The following ARMC10 variants were observed in gnomAD, a reference collection of about 807,000 sequenced individuals.
ARMC10 encodes armadillo repeat-containing protein 10.
Under a neutral mutation model 30.2 loss-of-function variants are expected in ARMC10, and 23 were observed. The observed-to-expected ratio is 0.76, with a 90% CI of 0.55 to 1.08. The LOEUF (loss-of-function observed/expected upper bound fraction) is 1.08. ARMC10 is among the 50% of genes least tolerant of loss of function. The pLI is 0.00. For synonymous variants in ARMC10, 111 were observed against 164.4 expected (o/e 0.68, Z 2.48); for missense variants, 303 against 413.7 (o/e 0.73, Z 2.32).
intron 6 of ARMC10, 85 bp from the exon 7 acceptor site, chr7:103,098,214 A>T (rs796146839): frequency 2.6e-6 from 3 of 1,165,502 alleles, no homozygotes; most frequent in African/African-American, 3.2e-5. Flanking sequence ...GAGTTATTCA[A>T]TGTAGTTTTA....
intron 5 of ARMC10, among the ~76,000 whole-genome samples, chr7:103,092,860 A>G (rs528011937): frequency 1.1e-4 from 17 of 152,348 alleles, no homozygotes; most frequent in African/African-American, 3.8e-4. Context: ...ATTCCTGTTC[A>G]TTTGGTTTTC....
Position 103,097,229 on chromosome 7 carries a change from A to C in ARMC10, c.706-48A>C, listed in dbSNP as rs759629997. On this transcript the variant is annotated intron_variant, in intron 5 of 6. Coordinates refer to ENST00000323716, the MANE Select transcript of ARMC10 (RefSeq NM_031905.5). Reference sequence around the variant, plus strand: ...GAGAGAACAGCATGCCTGAGAGAGAAAATTCATGCTTGCCAGTCTGAGATA... The same window carrying C: ...GAGAGAACAGCATGCCTGAGAGAGACAATTCATGCTTGCCAGTCTGAGATA... 5.0e-5 allele frequency: 75 copies of C among 1,493,752 alleles called. 1 individual carries two copies. The highest frequency in any genetic ancestry group is 2.2e-4 in the Admixed American group (13 of 59,832). The allele number at this position is 1,493,752 out of a possible 1,614,324, so 92.5% of individuals were successfully genotyped here.
At chr7:103,083,913 T>C (rs564059392) in intron 3 of ARMC10, 83 bp downstream of exon 3, 3 of 1,532,576 alleles carry the variant, frequency 2.0e-6, no homozygotes, top group Admixed American at 3.7e-5. Context: ...TTACTTAACC[T>C]CTCAGACCCT....
At chr7:103,093,402 A>G (rs1316343616) in intron 5 of ARMC10, among the ~76,000 whole-genome samples, 1 of 152,196 alleles carries the variant, frequency 6.6e-6, no homozygotes, top group African/African-American at 2.4e-5. Context: ...CACTGCAGTT[A>G]TTTTTGAGTT....
chr7:103,094,376 A>G (rs576687915), intron 5 of ARMC10, among the ~76,000 whole-genome samples: 10 of 152,366 alleles, frequency 6.6e-5, no homozygotes, highest in African/African-American at 2.4e-4. Flanking sequence ...ACCAAAATCC[A>G]TATATTTGTT....
chr7:103,082,607 G>T (rs1403073966), intron 2 of ARMC10, among the ~76,000 whole-genome samples: 2 of 152,052 alleles, frequency 1.3e-5, no homozygotes, highest in African/African-American at 4.8e-5. Context: ...TGGGACTACA[G>T]AGATGAGCTG....
intron 2 of ARMC10, among the ~76,000 whole-genome samples, chr7:103,080,466 G>C (rs747186836): frequency 4.6e-5 from 7 of 152,028 alleles, no homozygotes; most frequent in Non-Finnish European, 1.0e-4. Flanking sequence ...TCTTGGCCAG[G>C]CTGGTCTCGA....
intron 2 of ARMC10, among the ~76,000 whole-genome samples, chr7:103,081,250 C>T (rs1430365196): frequency 2.0e-5 from 3 of 152,196 alleles, no homozygotes; most frequent in Non-Finnish European, 2.9e-5. Flanking sequence ...CATTGTGCCT[C>T]TTCCCACCAA....
chr7:103,076,249 T>C (rs967774265), intron 2 of ARMC10, among the ~76,000 whole-genome samples: 10 of 152,220 alleles, frequency 6.6e-5, no homozygotes, highest in African/African-American at 2.4e-4. Flanking sequence ...AAAAATAATT[T>C]GTCCTTAGGT....
chr7:103,090,901 G>C (rs920796081), intron 4 of ARMC10, among the ~76,000 whole-genome samples: 1 of 152,020 alleles, frequency 6.6e-6, no homozygotes, highest in Admixed American at 6.5e-5. Context: ...ATGTAATTTA[G>C]ATCTTGAAAC....
intron 2 of ARMC10, among the ~76,000 whole-genome samples, chr7:103,079,044 T>G (rs1163776424): frequency 6.6e-6 from 1 of 152,130 alleles, no homozygotes. Context: ...TGTACTAACG[T>G]GGTTTGAGAG....
intron 5 of ARMC10, among the ~76,000 whole-genome samples, chr7:103,095,137 G>A (rs989435206): frequency 6.6e-6 from 1 of 152,192 alleles, no homozygotes; most frequent in Non-Finnish European, 1.5e-5. Flanking sequence ...ATCTCACTCT[G>A]TTGCCCAGGC....
chr7:103,093,999 C>T (rs1326083457), intron 5 of ARMC10, among the ~76,000 whole-genome samples: 1 of 152,136 alleles, frequency 6.6e-6, no homozygotes, highest in Non-Finnish European at 1.5e-5. Context: ...TGGAACATAC[C>T]TACCAATTAC....
intron 4 of ARMC10, among the ~76,000 whole-genome samples, chr7:103,091,317 T>C (rs1190306799): frequency 6.6e-6 from 1 of 152,120 alleles, no homozygotes; most frequent in East Asian, 1.9e-4. Context: ...TGTGCGGCAG[T>C]GAGACCTTGT....
chr7:103,096,531 A>G (rs898374132), intron 5 of ARMC10: 6 of 152,096 alleles, frequency 3.9e-5, no homozygotes, highest in African/African-American at 1.4e-4. Flanking sequence ...GCTTTGAGAG[A>G]TTTTTTTGTT....
chr7:103,091,678 T>A (rs1368879454), intron 4 of ARMC10, among the ~76,000 whole-genome samples: 1 of 76,090 alleles, frequency 1.3e-5, no homozygotes, highest in African/African-American at 3.1e-5. Flanking sequence ...ATTACTATGA[T>A]ACAAAATGGC....
rs1802028622 is a variant in ARMC10, at chr7:103,099,279, C to T, written c.*726C>T. 1 of 141,200 alleles carries T rather than the reference C, an allele frequency of 7.1e-6. No homozygotes were observed. Among genetic ancestry groups the T allele is most frequent in the Non-Finnish European group, 1.5e-5 (1 of 64,658 alleles). 8.7% of individuals were successfully genotyped at this position (141,200 alleles called of 1,614,324 possible). On this transcript the variant is annotated 3_prime_UTR_variant, in exon 7 of 7. Coordinates refer to ENST00000323716, the MANE Select transcript of ARMC10 (RefSeq NM_031905.5). The stretch of plus-strand genomic sequence containing the variant: ...TGAGATCGGGAGTTTGAGACCAAGC[C>T]TGACCAATATGGAGAAACCCTGTCT...
At chr7:103,085,606 C>CTTCTTTTTTTTTTTTT (rs1563322299) in intron 3 of ARMC10, among the ~76,000 whole-genome samples, 1 of 130,576 alleles carries the variant, frequency 7.7e-6, no homozygotes, top group Non-Finnish European at 1.7e-5. Context: ...CATTTCTCTT[C>CTTCTTTTTTTTTTTTT]TTTTTTTTTT....
intron 4 of ARMC10, chr7:103,087,717 C>G: frequency 2.1e-6 from 2 of 942,836 alleles, no homozygotes; most frequent in Non-Finnish European, 2.5e-6. Context: ...ATGTTGATGG[C>G]AAGATTTGTA....
Sources: allele counts gnomAD v4.1 joint callset (sites outside exome capture counted in the v4.1 genomes callset), GRCh38; gene constraint gnomAD v4.1.1; transcripts MANE v1.5; gene names NCBI Gene and HGNC (gene_info 2026-07-23, HGNC 2026-07-21).